The following SCTR variants were observed in gnomAD, a reference collection of about 807,000 sequenced individuals.
The protein encoded by SCTR is secretin receptor.
Under a neutral mutation model 60.8 loss-of-function variants are expected in SCTR, and 56 were observed. That is an observed-to-expected ratio of 0.92 (90% CI 0.74 to 1.15). The LOEUF is 1.15. SCTR is among the 50% of genes most tolerant of loss of function. SCTR has a pLI of 0.00. For missense variants in SCTR, 562 were observed against 550.4 expected (o/e 1.02, Z -0.21); for synonymous variants, 202 against 217.0 (o/e 0.93, Z 0.61).
rs751552626 is a variant in SCTR, at chr2:119,440,233, ACTT to A, written c.1204_1206del (p.Lys402del). ...AACTCACGGAGGTGCCATTGCTGCC[ACTT>A]CTTCTGAACCTCCAGCTGCACCTGC... On this transcript the variant is annotated inframe_deletion, in exon 13 of 13. Coordinates refer to ENST00000019103, the MANE Select transcript of SCTR (RefSeq NM_002980.3). 12 of 1,613,764 alleles carry A rather than the reference ACTT, an allele frequency of 7.4e-6. No individual in the cohort carries two copies. The highest frequency in any genetic ancestry group is 1.7e-4 in the Middle Eastern group (1 of 6,018).
intron 2 of SCTR, among the ~76,000 whole-genome samples, chr2:119,488,724 C>A (rs1194960448): frequency 6.6e-6 from 1 of 152,206 alleles, no homozygotes; most frequent in Non-Finnish European, 1.5e-5. Context: ...CTTGGCTGCA[C>A]CGAAGGGCTG....
At chr2:119,464,830 G>A (rs993738763) in intron 5 of SCTR, among the ~76,000 whole-genome samples, 1 of 152,192 alleles carries the variant, frequency 6.6e-6, no homozygotes, top group African/African-American at 2.4e-5. Context: ...GGAGGGGTGA[G>A]GACGGCAACC....
chr2:119,443,176 C>T (rs1456435072), intron 11 of SCTR, among the ~76,000 whole-genome samples: 1 of 152,150 alleles, frequency 6.6e-6, no homozygotes, highest in African/African-American at 2.4e-5. Flanking sequence ...TAGCTGTGCT[C>T]CAGTGTATAT....
intron 4 of SCTR, among the ~76,000 whole-genome samples, chr2:119,472,472 C>T (rs773221441): frequency 6.6e-5 from 10 of 152,198 alleles, no homozygotes; most frequent in Non-Finnish European, 1.3e-4. Flanking sequence ...GCAGAGTGAG[C>T]TGAGCCCAGA....
In SCTR at chr2:119,472,730, C is replaced by G. The variant is rs191435924; in HGVS notation, c.405+723G>C. Among the ~76,000 whole-genome samples, 59 of 152,308 alleles carry G rather than the reference C, an allele frequency of 3.9e-4. 1 individual carries two copies. The East Asian group carries it at 0.01, about 27-fold the overall frequency. On this transcript the variant is annotated intron_variant, in intron 4 of 12. Coordinates refer to ENST00000019103, the MANE Select transcript of SCTR (RefSeq NM_002980.3). The stretch of plus-strand genomic sequence containing the variant: ...AATCACTGCTCACTGCATCCTCAAA[C>G]TCTCCAGCTCAGGCGATCCTCCTGC...
At chr2:119,504,972 A>G (rs1379196281) in intron 1 of SCTR, among the ~76,000 whole-genome samples, 1 of 152,182 alleles carries the variant, frequency 6.6e-6, no homozygotes, top group Admixed American at 6.5e-5. Context: ...AATCAAAACC[A>G]CAATGAGATA....
At chr2:119,441,736 G>A (rs1682664570) in intron 11 of SCTR, 137 bp from the exon 12 acceptor site, 6 of 752,030 alleles carry the variant, frequency 8.0e-6, no homozygotes, top group South Asian at 7.9e-5. Flanking sequence ...GCCTCACTGG[G>A]AATTAGGCTA....
chr2:119,461,061 T>A (rs761323920), intron 7 of SCTR, among the ~76,000 whole-genome samples: 7 of 152,230 alleles, frequency 4.6e-5, no homozygotes, highest in African/African-American at 7.2e-5. Context: ...AAGCCGATGT[T>A]ACGAAAGGCA....
At chr2:119,455,526 G>T (rs1344676690) in intron 7 of SCTR, among the ~76,000 whole-genome samples, 1 of 152,216 alleles carries the variant, frequency 6.6e-6, no homozygotes, top group Non-Finnish European at 1.5e-5. Context: ...AGAGATAAAA[G>T]GTCGTATCTA....
At chr2:119,449,979 A>AGGAAGGAAGGAAGGAGGGAGGGAGGGAG (rs1558836325) in intron 9 of SCTR, among the ~76,000 whole-genome samples, 1 of 15,676 alleles carries the variant, frequency 6.4e-5, no homozygotes, top group East Asian at 1.7e-3. Flanking sequence ...GAGGGAGGGA[A>AGGAAGGAAGGAAGGAGGGAGGGAGGGAG]GGAAGGAAGG....
Position 119,494,480 on chromosome 2 carries a change from C to T in SCTR, c.141G>A (p.Gln47=). 6.2e-6 allele frequency: 10 copies of T among 1,614,080 alleles called. No individual in the cohort carries two copies. The highest frequency in any genetic ancestry group is 6.8e-6 in the Non-Finnish European group (8 of 1,179,954). The change falls in exon 2 of 13, where the codon CAG becomes CAA. Residue 47 remains glutamine (Q), a synonymous_variant. Transcript: ENST00000019103. ...VLWEEQDQCL[Q]ELSREQTGDL... ...CTCCTGTCTGCTCTCTGGAGAGTTCCTGCAGGCACTGGTCTTGCTCTTCCC... is the reference window on the plus strand; with the variant it reads ...CTCCTGTCTGCTCTCTGGAGAGTTCTTGCAGGCACTGGTCTTGCTCTTCCC...
chr2:119,474,277 A>T (rs1308185632), intron 3 of SCTR, among the ~76,000 whole-genome samples: 3 of 152,188 alleles, frequency 2.0e-5, no homozygotes, highest in African/African-American at 7.2e-5. Flanking sequence ...GGCTGGACAG[A>T]AAGGCAAATT....
intron 1 of SCTR, among the ~76,000 whole-genome samples, chr2:119,496,780 T>TAACCACCCTACTCCTGCC (rs1158585094): frequency 6.6e-6 from 1 of 152,018 alleles, no homozygotes; most frequent in Non-Finnish European, 1.5e-5. Flanking sequence ...TTTTAGCCAA[T>TAACCACCCTACTCCTGCC]AACCACCCTA....
At chr2:119,519,966 C>T (rs916118550) in intron 1 of SCTR, among the ~76,000 whole-genome samples, 15 of 152,034 alleles carry the variant, frequency 9.9e-5, no homozygotes, top group African/African-American at 3.4e-4. Context: ...TGTCAGTTTC[C>T]TCATCTGCAC....
chr2:119,503,340 G>A (rs1678619480), intron 1 of SCTR, among the ~76,000 whole-genome samples: 1 of 152,062 alleles, frequency 6.6e-6, no homozygotes, highest in African/African-American at 2.4e-5. Flanking sequence ...GCTGAGGCAA[G>A]AGGCTTGCTT....
intron 9 of SCTR, among the ~76,000 whole-genome samples, chr2:119,450,654 G>T (rs567445132): frequency 6.6e-6 from 1 of 152,246 alleles, no homozygotes; most frequent in South Asian, 2.1e-4. Context: ...AATGATGAAT[G>T]ATTTTTTTTT....
In SCTR at chr2:119,524,187, G is replaced by A. The variant is rs1428611070; in HGVS notation, c.40C>T (p.Leu14=). The A allele has an allele frequency of 1.3e-6, 2 of 1,527,628 alleles. No individual in the cohort carries two copies. The highest frequency in any genetic ancestry group is 1.8e-6 in the Non-Finnish European group (2 of 1,136,428). The allele number at this position is 1,527,628 out of a possible 1,614,324, so 94.6% of individuals were successfully genotyped here. A position where few individuals can be genotyped will look rare whatever the true frequency, so the allele number is the denominator to read the frequency against. The part of the protein sequence containing the change: ...HLSPPLQQLL[L]PVLLACAAHS... The stretch of plus-strand genomic sequence containing the variant: ...GCGGCGCAGGCGAGCAGCACCGGCA[G>A]TAGTAGCTGCTGCAGCGGCGGCGAC... The change falls in exon 1 of 13, where the codon CTG becomes TTG. Residue 14 remains leucine (L), a synonymous_variant. Transcript: ENST00000019103.
At chr2:119,455,894 G>T (rs1683356124) in intron 7 of SCTR, among the ~76,000 whole-genome samples, 1 of 152,030 alleles carries the variant, frequency 6.6e-6, no homozygotes. Context: ...ATGAAAAAAG[G>T]CCTGCATCAC....
chr2:119,507,177 A>G (rs1678767000), intron 1 of SCTR, among the ~76,000 whole-genome samples: 1 of 152,234 alleles, frequency 6.6e-6, no homozygotes. Context: ...TTAACAGGAT[A>G]TGTTCAGGCA....
Sources: gnomAD v4.1 joint callset for allele counts (sites outside exome capture counted in the v4.1 genomes callset) on GRCh38, gnomAD v4.1.1 for gene constraint, MANE v1.5 for transcripts, NCBI Gene and HGNC (gene_info 2026-07-23, HGNC 2026-07-21) for gene names.